The following ZNF362 variants were observed in gnomAD, a reference collection of about 807,000 sequenced individuals.
The protein encoded by ZNF362 is zinc finger protein 362.
In ZNF362, 11 loss-of-function variants were observed where a neutral mutation model predicts 42.9. That is an observed-to-expected ratio of 0.26 (90% CI 0.16 to 0.42). The LOEUF is 0.42. Among genes scored for constraint, ZNF362 ranks in the 20% least tolerant of loss-of-function variants. The pLI is 1.00. For synonymous variants in ZNF362, 255 were observed against 257.3 expected, an observed-to-expected ratio of 0.99 and a Z score of 0.09; for missense variants, 362 against 576.2, an observed-to-expected ratio of 0.63 and a Z score of 3.81.
chr1:33,187,236 T>C, the ZNF362 span, among the ~76,000 whole-genome samples: 1 of 152,168 alleles, frequency 6.6e-6, no homozygotes, highest in Non-Finnish European at 1.5e-5. Flanking sequence ...CAGCTCTCTG[T>C]AGTTCTGGGA....
the ZNF362 span, chr1:33,147,200 G>A: frequency 6.2e-7 from 1 of 1,613,578 alleles, no homozygotes; most frequent in Non-Finnish European, 8.5e-7. The surrounding 1 kb of genome is among the most constrained non-coding windows in gnomAD (Gnocchi z 8.1). Flanking sequence ...GTGTTGATCC[G>A]CAGCGGCTGA....
At chr1:33,272,428 C>T (rs1397429177) in intron 2 of ZNF362, among the ~76,000 whole-genome samples, 1 of 152,154 alleles carries the variant, frequency 6.6e-6, no homozygotes, top group African/African-American at 2.4e-5. Context: ...GATAGATGGG[C>T]CAGCTGCCAT....
chr1:33,185,394 G>A, the ZNF362 span, among the ~76,000 whole-genome samples: 1 of 151,862 alleles, frequency 6.6e-6, no homozygotes. Context: ...GCTAATTTTT[G>A]TATTTTTAGT....
chr1:33,135,371 C>T, the ZNF362 span, among the ~76,000 whole-genome samples: 1 of 152,204 alleles, frequency 6.6e-6, no homozygotes, highest in Non-Finnish European at 1.5e-5. Context: ...ATGTGCTTCC[C>T]CACAAGCAAG....
chr1:33,138,274 C>CT, the ZNF362 span, among the ~76,000 whole-genome samples: 1 of 152,010 alleles, frequency 6.6e-6, no homozygotes, highest in African/African-American at 2.4e-5. Flanking sequence ...ATGCTGTAGA[C>CT]TAACATGGAA....
At chr1:33,297,145 A>G (rs1646130658) in intron 8 of ZNF362, among the ~76,000 whole-genome samples, 1 of 152,088 alleles carries the variant, frequency 6.6e-6, no homozygotes, top group Admixed American at 6.6e-5. Context: ...GGCGAAGAGG[A>G]CAGAATCTGC....
At chr1:33,271,656 G>A (rs544967263) in intron 2 of ZNF362, among the ~76,000 whole-genome samples, 52 of 152,338 alleles carry the variant, frequency 3.4e-4, no homozygotes, top group Admixed American at 8.5e-4. Flanking sequence ...GGAATCCTGA[G>A]GACATGGCTG....
chr1:33,159,883 AGCAGCCGGT>A, the ZNF362 span: 2 of 1,611,684 alleles, frequency 1.2e-6, no homozygotes. The surrounding 1 kb of genome is among the most constrained non-coding windows in gnomAD (Gnocchi z 4.2). Flanking sequence ...GCGTTCACGC[AGCAGCCGGT>A]GCAGCCGCTC....
At chr1:33,203,403 C>T in the ZNF362 span, among the ~76,000 whole-genome samples, 108,696 of 152,056 alleles carry the variant, frequency 0.71, 39,216 homozygotes, top group Non-Finnish European at 0.76. Flanking sequence ...TTTCATATCA[C>T]GGCTATTGTG....
At chr1:33,270,332 A>G (rs976727851) in intron 1 of ZNF362, among the ~76,000 whole-genome samples, 155 bp from the exon 2 acceptor site, 5 of 152,172 alleles carry the variant, frequency 3.3e-5, no homozygotes, top group African/African-American at 9.7e-5. Flanking sequence ...AAGTTGGTCA[A>G]TCTCTCTGTG....
chr1:33,197,554 T>C, the ZNF362 span, among the ~76,000 whole-genome samples: 1 of 152,156 alleles, frequency 6.6e-6, no homozygotes, highest in Non-Finnish European at 1.5e-5. Flanking sequence ...TCTCAAGGCA[T>C]TGGACATTAG....
chr1:33,131,467 G>A, the ZNF362 span, among the ~76,000 whole-genome samples: 47 of 152,236 alleles, frequency 3.1e-4, no homozygotes, highest in South Asian at 9.1e-3. Flanking sequence ...CTTGAAATGT[G>A]GCCAGTCCAA....
chr1:33,161,768 C>T, the ZNF362 span, among the ~76,000 whole-genome samples: 1 of 152,196 alleles, frequency 6.6e-6, no homozygotes, highest in Non-Finnish European at 1.5e-5. This position sits in a 1 kb window ranked among gnomAD's most constrained non-coding sequence, Gnocchi z 4.3. Flanking sequence ...CGCAGCTACT[C>T]CTCTGGCTCC....
intron 1 of ZNF362, among the ~76,000 whole-genome samples, chr1:33,258,066 G>A (rs1645805888): frequency 6.6e-6 from 1 of 152,202 alleles, no homozygotes; most frequent in Non-Finnish European, 1.5e-5. Context: ...GAGGGAAGGG[G>A]CAGGAAAGGT....
intron 1 of ZNF362, among the ~76,000 whole-genome samples, chr1:33,260,989 G>A (rs999102282): frequency 2.0e-5 from 3 of 152,132 alleles, no homozygotes; most frequent in African/African-American, 7.2e-5. Flanking sequence ...GCCTTATTTA[G>A]CATCACAGAG....
At chr1:33,241,329 T>A in the ZNF362 span, among the ~76,000 whole-genome samples, 187 of 152,054 alleles carry the variant, frequency 1.2e-3, no homozygotes, top group African/African-American at 4.3e-3. Context: ...ACCCCATCTC[T>A]ACTAAAAATA....
At chr1:33,268,167 T>TCTTGGGTCAATTAGGAAGACAGGA (rs978667068) in intron 1 of ZNF362, among the ~76,000 whole-genome samples, 2 of 152,164 alleles carry the variant, frequency 1.3e-5, no homozygotes, top group Non-Finnish European at 2.9e-5. Context: ...CATAGCCCCT[T>TCTTGGGTCAATTAGGAAGACAGGA]CTTGGGTCAA....
chr1:33,295,302 C>G lies in ZNF362; in HGVS notation c.1143C>G (p.Thr381=). 5 of 1,613,914 alleles carry G rather than the reference C, an allele frequency of 3.1e-6. No individual in the cohort carries two copies. Among genetic ancestry groups the G allele is most frequent in the Non-Finnish European group, 4.2e-6 (5 of 1,179,926 alleles). ...GCAGCATGTGTGGGCGGGCCTACAC[C>G]TCGGTGAGTGCCGGTCGGCCTGTGC... ...YCCSMCGRAY[T]SETYLMKHMS... is the part of the protein sequence containing the mutation. Residue 381 remains threonine (T), a synonymous_variant, in exon 8 of 9, where the codon ACC becomes ACG. Coordinates refer to ENST00000539719, the MANE Select transcript of ZNF362 (RefSeq NM_152493.3).
the ZNF362 span, among the ~76,000 whole-genome samples, chr1:33,217,014 C>T: frequency 6.6e-6 from 1 of 151,992 alleles, no homozygotes; most frequent in African/African-American, 2.4e-5. Flanking sequence ...GTTCTGGAGG[C>T]AGGAAGACTG....
Sources: gnomAD v4.1 joint callset for allele counts (sites outside exome capture counted in the v4.1 genomes callset) on GRCh38, gnomAD v4.1.1 for gene constraint, Gnocchi (gnomAD v3.1) non-coding constraint, MANE v1.5 for transcripts, NCBI Gene and HGNC (gene_info 2026-07-23, HGNC 2026-07-21) for gene names.